PGCKA1: variants seen among roughly 807,000 people sequenced by gnomAD.
The protein encoded by PGCKA1 is PDCD10 and GCKIII kinases associated 1.
the PGCKA1 span, among the ~76,000 whole-genome samples, chr4:37,479,220 T>A: frequency 6.6e-6 from 1 of 152,214 alleles, no homozygotes; most frequent in African/African-American, 2.4e-5. Context: ...AACATCTAAT[T>A]TCATCTCCAG....
chr4:37,563,125 GAAA>G, the PGCKA1 span, among the ~76,000 whole-genome samples: 1 of 151,440 alleles, frequency 6.6e-6, no homozygotes, highest in Non-Finnish European at 1.5e-5. Context: ...CTTGAGTCCG[GAAA>G]AACATTTATA....
chr4:37,502,354 T>A, the PGCKA1 span, among the ~76,000 whole-genome samples: 6 of 152,146 alleles, frequency 3.9e-5, no homozygotes, highest in African/African-American at 1.4e-4. Context: ...GCCCCCCAGT[T>A]GGCAACTGTG....
the PGCKA1 span, among the ~76,000 whole-genome samples, chr4:37,523,911 A>G: frequency 1.3e-5 from 2 of 152,152 alleles, no homozygotes; most frequent in Non-Finnish European, 2.9e-5. Flanking sequence ...GCATTAATCC[A>G]TCATGGGAAC....
At chr4:37,461,525 G>A in the PGCKA1 span, among the ~76,000 whole-genome samples, 3 of 151,924 alleles carry the variant, frequency 2.0e-5, no homozygotes, top group African/African-American at 7.3e-5. Flanking sequence ...TCTTGAAGAG[G>A]TCCTTTACAT....
chr4:37,533,092 T>C, the PGCKA1 span, among the ~76,000 whole-genome samples: 2 of 121,756 alleles, frequency 1.6e-5, no homozygotes, highest in Admixed American at 9.1e-5. Flanking sequence ...GTACACCCAA[T>C]AGCTTATGGA....
chr4:37,512,772 C>T, the PGCKA1 span, among the ~76,000 whole-genome samples: 2 of 151,942 alleles, frequency 1.3e-5, no homozygotes, highest in East Asian at 3.9e-4. Context: ...TGATTTCTAA[C>T]ACAGCACTTT....
chr4:37,484,647 C>A, the PGCKA1 span, among the ~76,000 whole-genome samples: 7 of 152,210 alleles, frequency 4.6e-5, no homozygotes, highest in Non-Finnish European at 8.8e-5. Flanking sequence ...GAACTGTGAG[C>A]TAATTACATC....
the PGCKA1 span, among the ~76,000 whole-genome samples, chr4:37,548,155 G>A: frequency 6.6e-6 from 1 of 150,948 alleles, no homozygotes; most frequent in East Asian, 2.0e-4. Context: ...AAAATTGTCT[G>A]TGAAAGTCGT....
the PGCKA1 span, among the ~76,000 whole-genome samples, chr4:37,505,826 C>T: frequency 6.6e-6 from 1 of 152,182 alleles, no homozygotes; most frequent in African/African-American, 2.4e-5. Context: ...ATTCCCTCCT[C>T]CACTATTTTT....
chr4:37,512,814 C>T, the PGCKA1 span, among the ~76,000 whole-genome samples: 1 of 151,934 alleles, frequency 6.6e-6, no homozygotes, highest in Non-Finnish European at 1.5e-5. Context: ...TCCTGCTGGA[C>T]GAGGTGGCTC....
At chr4:37,513,073 G>C in the PGCKA1 span, among the ~76,000 whole-genome samples, 1 of 143,164 alleles carries the variant, frequency 7.0e-6, no homozygotes, top group African/African-American at 2.7e-5. Context: ...TGGGCAAAAA[G>C]AGTGAAATGC....
At chr4:37,580,901 A>T in the PGCKA1 span, among the ~76,000 whole-genome samples, 1 of 152,164 alleles carries the variant, frequency 6.6e-6, no homozygotes, top group Non-Finnish European at 1.5e-5. Flanking sequence ...ATCCTTAGAG[A>T]TCTACCTGGT....
chr4:37,545,409 C>T, the PGCKA1 span, among the ~76,000 whole-genome samples: 3 of 152,270 alleles, frequency 2.0e-5, no homozygotes, highest in African/African-American at 2.4e-5. Flanking sequence ...TTGGCTGAGA[C>T]GGAAAGTAGA....
the PGCKA1 span, among the ~76,000 whole-genome samples, chr4:37,455,834 G>A: frequency 6.6e-6 from 1 of 152,158 alleles, no homozygotes; most frequent in African/African-American, 2.4e-5. Flanking sequence ...TCCTAGAACA[G>A]CCCGCTCTTG....
the PGCKA1 span, among the ~76,000 whole-genome samples, chr4:37,543,884 C>A: frequency 6.6e-6 from 1 of 151,898 alleles, no homozygotes; most frequent in East Asian, 1.9e-4. Context: ...CCAATCTGAA[C>A]AAGCTGTGCC....
chr4:37,461,741 T>A, the PGCKA1 span, among the ~76,000 whole-genome samples: 48,833 of 151,804 alleles, frequency 0.32, 8,181 homozygotes, highest in Middle Eastern at 0.36. Context: ...AATCGGGCAG[T>A]ACTGAGGCTG....
At chr4:37,559,954 T>G in the PGCKA1 span, among the ~76,000 whole-genome samples, 3 of 152,218 alleles carry the variant, frequency 2.0e-5, no homozygotes, top group African/African-American at 7.2e-5. Context: ...AAACCTTATC[T>G]TCCTTTAAGG....
the PGCKA1 span, among the ~76,000 whole-genome samples, chr4:37,531,736 C>CA: frequency 6.6e-6 from 1 of 150,674 alleles, no homozygotes; most frequent in Non-Finnish European, 1.5e-5. Flanking sequence ...ACTAAAAATA[C>CA]AAAAAATTAG....
chr4:37,508,675 TGCTGAATC>T, the PGCKA1 span, among the ~76,000 whole-genome samples: 2 of 133,300 alleles, frequency 1.5e-5, no homozygotes, highest in African/African-American at 2.9e-5. Context: ...TTTTTTTTTT[TGCTGAATC>T]TTTTTTTTAG....
Sources: allele counts gnomAD v4.1 joint callset (sites outside exome capture counted in the v4.1 genomes callset), GRCh38; gene constraint gnomAD v4.1.1; transcripts MANE v1.5; gene names NCBI Gene and HGNC (gene_info 2026-07-23, HGNC 2026-07-21).